The following SUN1 variants were observed in gnomAD, a reference collection of about 807,000 sequenced individuals.
SUN1 encodes the protein Sad1 and UNC84 domain containing 1.
Under a neutral mutation model 103.2 loss-of-function variants are expected in SUN1, and 61 were observed. The observed-to-expected ratio is 0.59, with a 90% CI of 0.48 to 0.73. The LOEUF is 0.73. SUN1 is among the 30% of genes least tolerant of loss of function. The pLI is 0.00. For synonymous variants in SUN1, 490 were observed against 425.7 expected (o/e 1.15, Z -1.86); for missense variants, 1,052 against 1,034.6 (o/e 1.02, Z -0.23).
chr7:850,305 TCTC>T (rs1230548380), intron 5 of SUN1: 2 of 404,864 alleles, frequency 4.9e-6, no homozygotes, highest in African/African-American at 4.1e-5. Context: ...TTCAAGCAAT[TCTC>T]CTGCCACAGC....
At chr7:854,014 C>T (rs1431642221) in intron 10 of SUN1, among the ~76,000 whole-genome samples, 1 of 152,094 alleles carries the variant, frequency 6.6e-6, no homozygotes. Context: ...GGGTCCCAGA[C>T]GCACTTCTCG....
upstream of SUN1, chr7:816,246 C>T (rs1487120360): frequency 1.0e-3 from 215 of 208,838 alleles, 7 homozygotes; most frequent in African/African-American, 5.6e-3. Context: ...GTGCAGATCC[C>T]TCCCCCAGAT....
At position 838,178 on chromosome 7, in the gene SUN1, T is replaced by A. The variant is rs78720416; in HGVS notation, c.78-620T>A. ...CGCAATCCTCCTGCCTAGGCCTCCC[T>A]AAGTGCTGGGATTGCAGGCGTGAAC... On this transcript the variant is annotated intron_variant, in intron 1 of 18. Transcript: ENST00000401592. Among the ~76,000 whole-genome samples the A allele has an allele frequency of 0.014, 2,140 of 152,320 alleles. 64 individuals are homozygous for A. In the East Asian group the frequency reaches 0.14, roughly 10 times the overall value.
intron 13 of SUN1, among the ~76,000 whole-genome samples, chr7:858,692 C>G (rs1007582173): frequency 5.3e-5 from 8 of 152,206 alleles, no homozygotes; most frequent in African/African-American, 1.9e-4. Context: ...AGGAGAAAAT[C>G]TAGACATTTA....
intron 5 of SUN1, chr7:848,582 G>A (rs570438464): frequency 1.9e-5 from 25 of 1,350,170 alleles, no homozygotes; most frequent in African/African-American, 3.0e-5. Context: ...TTGTGAATCC[G>A]AAAGCTATAA....
In SUN1 at chr7:873,713, T is replaced by A; in HGVS notation, c.*382T>A. ...TGCACTGGCTCTTCTAAAGGACTTT[T>A]GGAGGGCAGATAATTTCATCTGTTA... On this transcript the variant is annotated 3_prime_UTR_variant, in exon 19 of 19. Coordinates refer to ENST00000401592, the MANE Select transcript of SUN1 (RefSeq NM_001130965.3). 5.9e-6 allele frequency: 1 copy of A among 170,208 alleles called. No individual in the cohort carries two copies. The highest frequency in any genetic ancestry group is 6.2e-5 in the Admixed American group (1 of 16,124). 10.5% of individuals were successfully genotyped at this position (170,208 alleles called of 1,614,324 possible).
intron 16 of SUN1, among the ~76,000 whole-genome samples, chr7:867,656 A>G (rs1392189689): frequency 1.3e-5 from 2 of 152,186 alleles, no homozygotes; most frequent in Non-Finnish European, 2.9e-5. Context: ...TAAATCACCA[A>G]TCACTGTGCT....
chr7:853,605 A>G lies in SUN1; in HGVS notation c.1250A>G (p.Gln417Arg), dbSNP rs763250661. ...PSASVRDAVG[Q>R]PPRETDFMAF... ...GCTTCGGTCAGAGACGCTGTGGGACAGCCCCCGAGGGAGGTGGGTGCTGCC... is the reference window on the plus strand; with the variant it reads ...GCTTCGGTCAGAGACGCTGTGGGACGGCCCCCGAGGGAGGTGGGTGCTGCC... The change falls in exon 10 of 19, where the codon CAG becomes CGG. Residue 417 changes from glutamine to arginine, a missense_variant. Physicochemically the swap from Gln to Arg is conservative, Grantham distance 43. Coordinates refer to ENST00000401592, the MANE Select transcript of SUN1 (RefSeq NM_001130965.3). The G allele has an allele frequency of 6.2e-7, 1 of 1,603,050 alleles. No homozygotes were observed. The highest frequency in any genetic ancestry group is 8.5e-7 in the Non-Finnish European group (1 of 1,179,830).
In SUN1 at chr7:853,592, G is replaced by T; in HGVS notation, c.1237G>T (p.Asp413Tyr). The T allele has an allele frequency of 6.2e-7, 1 of 1,605,438 alleles. No homozygotes were observed. The change falls in exon 10 of 19, where the codon GAC becomes TAC. Residue 413 changes from aspartate (D) to tyrosine (Y), a missense_variant. By Grantham distance (160) the Asp-to-Tyr change is radical. Around this residue, in one of 2 missense-constraint regions of SUN1, gnomAD observed 846 missense variants for 774.5 expected, o/e 1.09. Transcript: ENST00000401592. The part of the protein sequence containing the change: ...GAAGPSASVR[D>Y]AVGQPPRETD... ...TGCCGGGCCGTCAGCTTCGGTCAGA[G>T]ACGCTGTGGGACAGCCCCCGAGGGA... is the stretch of plus-strand genomic sequence containing the variant.
chr7:817,636 C>G, intron 1 of SUN1: 1 of 1,050,544 alleles, frequency 9.5e-7, no homozygotes, highest in Non-Finnish European at 1.4e-6. Context: ...GAAGTGCTTG[C>G]GGCTCTAATT....
intron 14 of SUN1, 81 bp from the exon 15 acceptor site, chr7:861,298 TG>T: frequency 1.5e-6 from 2 of 1,361,872 alleles, no homozygotes; most frequent in Non-Finnish European, 2.1e-6. Context: ...TGTAAGTGTC[TG>T]GTCCTCATCC....
At chr7:856,608 G>A (rs907574736) in intron 12 of SUN1, among the ~76,000 whole-genome samples, 6 of 152,106 alleles carry the variant, frequency 3.9e-5, no homozygotes, top group South Asian at 2.1e-4. Flanking sequence ...CCCTCCACGC[G>A]GCGTGGACCT....
intron 1 of SUN1, among the ~76,000 whole-genome samples, chr7:817,928 T>C (rs1782370097): frequency 6.6e-6 from 1 of 152,204 alleles, no homozygotes; most frequent in South Asian, 2.1e-4. Flanking sequence ...TTCTACTTTC[T>C]AGATTTCCTC....
At chr7:848,322 A>G in intron 5 of SUN1, 1 of 1,096,392 alleles carries the variant, frequency 9.1e-7, no homozygotes, top group Non-Finnish European at 1.2e-6. Context: ...TCCATTCTAA[A>G]AGTGCCTGAA....
Position 865,923 on chromosome 7 carries a change from ACT to A in SUN1, c.1865-28_1865-27del, listed in dbSNP as rs962319508. 5 of 1,595,536 alleles carry A rather than the reference ACT, an allele frequency of 3.1e-6. No individual in the cohort carries two copies. In the African/African-American group the frequency reaches 5.4e-5, roughly 17 times the overall value. On this transcript the variant is annotated intron_variant, in intron 15 of 18. Coordinates refer to ENST00000401592, the MANE Select transcript of SUN1 (RefSeq NM_001130965.3). ...TGCTTCCAAAATGGTGGAACTGGAC[ACT>A]GAGACCGATCTGAACTTTGCTTTAA... is the stretch of plus-strand genomic sequence containing the variant.
intron 5 of SUN1, among the ~76,000 whole-genome samples, chr7:846,967 C>T (rs745948294): frequency 1.2e-4 from 18 of 152,164 alleles, no homozygotes; most frequent in African/African-American, 3.9e-4. Flanking sequence ...GAGCTATGAT[C>T]ATGCCCCTGC....
intron 6 of SUN1, 84 bp from the exon 7 acceptor site, chr7:851,866 C>T: frequency 7.1e-7 from 1 of 1,404,364 alleles, no homozygotes; most frequent in African/African-American, 1.4e-5. Context: ...GTGCTTCTAG[C>T]TTGGCCTTCA....
chr7:865,576 C>T (rs1347425448), intron 15 of SUN1, among the ~76,000 whole-genome samples: 1 of 152,220 alleles, frequency 6.6e-6, no homozygotes, highest in Non-Finnish European at 1.5e-5. Flanking sequence ...CTTCAGTAGA[C>T]TGCCTTCCTT....
At chr7:867,363 C>T (rs1345242379) in intron 16 of SUN1, among the ~76,000 whole-genome samples, 1 of 152,274 alleles carries the variant, frequency 6.6e-6, no homozygotes. Context: ...TGTCACCTGG[C>T]AGGGCCAACA....
Sources: gnomAD v4.1 joint callset for allele counts (sites outside exome capture counted in the v4.1 genomes callset) on GRCh38, gnomAD v4.1.1 for gene constraint, gnomAD v4.1.1 regional missense constraint, MANE v1.5 for transcripts, NCBI Gene and HGNC (gene_info 2026-07-23, HGNC 2026-07-21) for gene names.